SETBP1: variants seen among roughly 807,000 people sequenced by gnomAD.
SETBP1 encodes the protein SET binding protein 1, also known as SET-binding protein.
Under a neutral mutation model 101.0 loss-of-function variants are expected in SETBP1, and 9 were observed. The ratio of observed to expected loss-of-function variants is 0.09; its 90% confidence interval spans 0.05 to 0.16. SETBP1 has a LOEUF of 0.16. Ranked by LOEUF, SETBP1 falls within the 10% of genes least tolerant of loss-of-function variation. The probability of loss-of-function intolerance (pLI) is 1.00; values close to 1 mark genes in which losing one functional copy is unlikely to be tolerated. For missense variants in SETBP1, 1,858 were observed against 2,033.8 expected, an observed-to-expected ratio of 0.91 and a Z score of 1.66; for synonymous variants, 818 against 788.5, an observed-to-expected ratio of 1.04 and a Z score of -0.63.
chr18:44,961,927 C>T (rs182529670), intron 4 of SETBP1, among the ~76,000 whole-genome samples: 1 of 152,268 alleles, frequency 6.6e-6, no homozygotes, highest in East Asian at 1.9e-4. Context: ...TAGATGAAAG[C>T]CTAACTGTCA....
chr18:45,044,377 G>A (rs938566577), intron 5 of SETBP1, among the ~76,000 whole-genome samples: 1 of 152,138 alleles, frequency 6.6e-6, no homozygotes, highest in African/African-American at 2.4e-5. Flanking sequence ...AAATGAGCCC[G>A]TTTGTCCTGA....
intron 4 of SETBP1, among the ~76,000 whole-genome samples, chr18:45,007,590 C>T (rs1477008990): frequency 1.3e-5 from 2 of 152,110 alleles, no homozygotes; most frequent in Non-Finnish European, 2.9e-5. Flanking sequence ...TGATCTTTCC[C>T]ATCTGGTCTT....
At chr18:44,900,935 G>A (rs1024076014) in intron 3 of SETBP1, among the ~76,000 whole-genome samples, 3 of 152,146 alleles carry the variant, frequency 2.0e-5, no homozygotes, top group Admixed American at 6.5e-5. Context: ...TAAGCCCAGG[G>A]ACTTTTATAC....
At chr18:44,917,059 G>A (rs1283925295) in intron 3 of SETBP1, among the ~76,000 whole-genome samples, 1 of 152,200 alleles carries the variant, frequency 6.6e-6, no homozygotes, top group Non-Finnish European at 1.5e-5. Context: ...CCCCATCAGG[G>A]AAAGAAATTA....
intron 2 of SETBP1, among the ~76,000 whole-genome samples, chr18:44,863,612 C>G (rs2069064005): frequency 6.6e-6 from 1 of 152,124 alleles, no homozygotes; most frequent in South Asian, 2.1e-4. Flanking sequence ...AGATTCATTT[C>G]CTACATTGCA....
At chr18:45,001,275 G>A (rs1279480342) in intron 4 of SETBP1, among the ~76,000 whole-genome samples, 1 of 152,164 alleles carries the variant, frequency 6.6e-6, no homozygotes, top group Admixed American at 6.5e-5. Flanking sequence ...TCTGTAAAAT[G>A]AGGGCAATAT....
At chr18:44,966,092 G>C (rs1360639105) in intron 4 of SETBP1, among the ~76,000 whole-genome samples, 2 of 152,188 alleles carry the variant, frequency 1.3e-5, no homozygotes, top group Non-Finnish European at 2.9e-5. Context: ...AACAGAAAAA[G>C]AAGAATGTAA....
At chr18:44,970,123 C>T (rs527801208) in intron 4 of SETBP1, 7 of 154,770 alleles carry the variant, frequency 4.5e-5, no homozygotes, top group Admixed American at 3.3e-4. Context: ...ATATAACGTC[C>T]TCAGGGAGCA....
chr18:44,713,408 T>C (rs916420247), intron 2 of SETBP1, among the ~76,000 whole-genome samples: 2 of 152,190 alleles, frequency 1.3e-5, no homozygotes, highest in African/African-American at 4.8e-5. Flanking sequence ...GCACTAGGCA[T>C]CCCTTTTATA....
At chr18:45,055,475 A>G (rs982943651) in intron 5 of SETBP1, among the ~76,000 whole-genome samples, 1 of 152,182 alleles carries the variant, frequency 6.6e-6, no homozygotes, top group African/African-American at 2.4e-5. Context: ...TGCTATCAAA[A>G]TGTTATACTG....
chr18:44,705,555 G>A, intron 2 of SETBP1, among the ~76,000 whole-genome samples: 1 of 152,204 alleles, frequency 6.6e-6, no homozygotes, highest in East Asian at 1.9e-4. Context: ...TGTTATTTAA[G>A]TGAACCAGTT....
rs553109780 is a variant in SETBP1 at position 44,912,283 on chromosome 18, G to A, written c.541-37598G>A. The stretch of plus-strand genomic sequence containing the variant: ...GATAGCTCAATTGATGTTTGTTTTG[G>A]AAGTGCTGAATTTTACTTGATTCTC... On this transcript the variant is annotated intron_variant, in intron 3 of 5. Coordinates refer to ENST00000649279, the MANE Select transcript of SETBP1 (RefSeq NM_015559.3). Among the ~76,000 whole-genome samples, 8 of 152,202 alleles carry A rather than the reference G, an allele frequency of 5.3e-5. No individual in the cohort carries two copies. The South Asian group carries it at 1.7e-3, about 32-fold the overall frequency.
At position 44,746,619 on chromosome 18, in the gene SETBP1, C is replaced by A. The variant is rs531552275; in HGVS notation, c.486+44787C>A. On this transcript the variant is annotated intron_variant, in intron 2 of 5. Transcript: ENST00000649279. ...CCCCCATAATGTTTAGCTTAGTGCT[C>A]AGAACATGCAAGGCATTTAATAGAT... Among the ~76,000 whole-genome samples, 18 of 152,270 alleles carry A rather than the reference C, an allele frequency of 1.2e-4. No individual in the cohort carries two copies. In the Middle Eastern group the frequency reaches 0.01, roughly 86 times the overall value.
chr18:44,858,746 G>A (rs771199557), intron 2 of SETBP1, among the ~76,000 whole-genome samples: 8 of 152,098 alleles, frequency 5.3e-5, no homozygotes, highest in Admixed American at 1.3e-4. Flanking sequence ...GCTCTTTCTA[G>A]ATCTCATGCT....
chr18:44,867,720 C>T (rs1172517447), intron 2 of SETBP1, among the ~76,000 whole-genome samples: 2 of 151,772 alleles, frequency 1.3e-5, no homozygotes, highest in East Asian at 3.9e-4. Flanking sequence ...GGGATCTAGC[C>T]TGCAGGATGG....
At chr18:44,976,672 A>G (rs926568016) in intron 4 of SETBP1, among the ~76,000 whole-genome samples, 1 of 152,202 alleles carries the variant, frequency 6.6e-6, no homozygotes, top group Non-Finnish European at 1.5e-5. Flanking sequence ...CCAAATTCCC[A>G]GACTTGGATC....
intron 1 of SETBP1, among the ~76,000 whole-genome samples, chr18:44,693,727 T>C (rs1025581351): frequency 6.6e-6 from 1 of 152,198 alleles, no homozygotes; most frequent in Non-Finnish European, 1.5e-5. Flanking sequence ...AAAATACAAT[T>C]TCTTCCTCAT....
chr18:44,816,217 A>G (rs1228298049), intron 2 of SETBP1, among the ~76,000 whole-genome samples: 3 of 152,150 alleles, frequency 2.0e-5, no homozygotes, highest in South Asian at 2.1e-4. Flanking sequence ...TGCTGCAGTC[A>G]TCTGCCTGGG....
chr18:44,970,837 G>A (rs535950205), intron 4 of SETBP1, among the ~76,000 whole-genome samples: 13 of 151,824 alleles, frequency 8.6e-5, no homozygotes, highest in Admixed American at 4.6e-4. Context: ...AGGCCTGAGC[G>A]ACCGCACCCG....
Sources: allele counts gnomAD v4.1 joint callset (sites outside exome capture counted in the v4.1 genomes callset), GRCh38; gene constraint gnomAD v4.1.1; transcripts MANE v1.5; gene names NCBI Gene and HGNC (gene_info 2026-07-23, HGNC 2026-07-21).